The following PHKB variants were observed in gnomAD, a reference collection of about 807,000 sequenced individuals.
PHKB encodes phosphorylase b kinase regulatory subunit beta.
A neutral mutation model predicts 152.1 loss-of-function variants in PHKB; 122 were observed. The ratio of observed to expected loss-of-function variants is 0.80; its 90% CI spans 0.69 to 0.93. The LOEUF is 0.93. Among genes scored for constraint, PHKB ranks in the 40% least tolerant of loss-of-function variants. PHKB has a pLI of 0.00. For missense variants in PHKB, 1,304 were observed against 1,328.4 expected, an observed-to-expected ratio of 0.98 and a Z score of 0.29; for synonymous variants, 436 against 464.9, an observed-to-expected ratio of 0.94 and a Z score of 0.80.
intron 7 of PHKB, 141 bp from the exon 8 acceptor site, chr16:47,580,154 G>A (rs1340031025): frequency 1.6e-6 from 1 of 639,214 alleles, no homozygotes; most frequent in African/African-American, 1.8e-5. Context: ...GTCAGAATGA[G>A]GTCTCTTAGA....
rs953985815 is a variant in PHKB at position 47,665,769 on chromosome 16, C to T, written c.2427+794C>T. The T allele has an allele frequency of 1.7e-5, 12 of 692,282 alleles. No individual in the cohort carries two copies. The African/African-American group carries it at 1.8e-4, about 10-fold the overall frequency. 42.9% of individuals were successfully genotyped at this position (692,282 alleles called of 1,614,324 possible). A position where few individuals can be genotyped will look rare whatever the true frequency, so the allele number is the denominator to read the frequency against. ...GATCCCTCCCTAATTCTGAATGGTC[C>T]TGCAGTCTGGGAAATTTCAGCTGTT... On this transcript the variant is annotated intron_variant, in intron 25 of 30. Coordinates refer to ENST00000323584, the MANE Select transcript of PHKB (RefSeq NM_000293.3).
intron 18 of PHKB, among the ~76,000 whole-genome samples, chr16:47,649,708 C>T (rs1258613940): frequency 6.8e-6 from 1 of 147,222 alleles, no homozygotes; most frequent in Non-Finnish European, 1.5e-5. Context: ...TGCCACTTGC[C>T]AGCTGTGTGT....
intron 13 of PHKB, among the ~76,000 whole-genome samples, chr16:47,599,916 TTC>T (rs1972191662): frequency 2.6e-5 from 4 of 152,226 alleles, no homozygotes; most frequent in Admixed American, 2.6e-4. Context: ...ACCATCAGAC[TTC>T]TATGGATTTT....
At position 47,665,158 on chromosome 16, in the gene PHKB, G is replaced by A. The variant is rs1175533583; in HGVS notation, c.2427+183G>A. On this transcript the variant is annotated intron_variant, in intron 25 of 30. Coordinates refer to ENST00000323584, the MANE Select transcript of PHKB (RefSeq NM_000293.3). ...TAATTTTCTTTTAGTCATCTATGTT[G>A]AAATTAAGGAATATAAATGCTTTTT... 8 of 591,028 alleles carry A rather than the reference G, an allele frequency of 1.4e-5. No homozygotes were observed. In the East Asian group the frequency reaches 2.4e-4, roughly 17 times the overall value. The allele number at this position is 591,028 out of a possible 1,614,324, so 36.6% of individuals were successfully genotyped here. A position where few individuals can be genotyped will look rare whatever the true frequency, so the allele number is the denominator to read the frequency against.
intron 5 of PHKB, among the ~76,000 whole-genome samples, chr16:47,513,061 A>G (rs984873189): frequency 6.6e-6 from 1 of 152,210 alleles, no homozygotes; most frequent in Admixed American, 6.5e-5. Context: ...TCCTTTGATA[A>G]ATATGTTTGC....
chr16:47,465,672 G>A (rs1189399777), intron 1 of PHKB, among the ~76,000 whole-genome samples: 21 of 152,124 alleles, frequency 1.4e-4, no homozygotes, highest in Admixed American at 1.4e-3. Context: ...TACCATACCT[G>A]CTGGTGTTAG....
intron 14 of PHKB, among the ~76,000 whole-genome samples, chr16:47,615,952 A>G (rs558781852): frequency 8.8e-4 from 134 of 152,358 alleles, no homozygotes; most frequent in African/African-American, 3.1e-3. Flanking sequence ...AAAGCATGCA[A>G]TGAAATGGTT....
At chr16:47,594,293 T>TA (rs2151700554) in intron 12 of PHKB, 79 bp downstream of exon 12, 2 of 751,108 alleles carry the variant, frequency 2.7e-6, no homozygotes, top group South Asian at 1.5e-5. Flanking sequence ...GAGTCCTTTG[T>TA]AAAAAACAAT....
At chr16:47,617,259 AAT>A (rs1307364628) in intron 14 of PHKB, among the ~76,000 whole-genome samples, 6 of 148,022 alleles carry the variant, frequency 4.1e-5, no homozygotes, top group African/African-American at 1.5e-4. Context: ...ATTTATATAT[AAT>A]ATAAATTTTT....
At chr16:47,478,837 G>T (rs1391286076) in intron 1 of PHKB, among the ~76,000 whole-genome samples, 3 of 152,104 alleles carry the variant, frequency 2.0e-5, no homozygotes, top group Non-Finnish European at 2.9e-5. Flanking sequence ...CATATTGACA[G>T]CACCCACTAA....
chr16:47,519,509 TG>T (rs1597050815), intron 6 of PHKB, among the ~76,000 whole-genome samples: 1 of 152,184 alleles, frequency 6.6e-6, no homozygotes, highest in East Asian at 1.9e-4. Flanking sequence ...GTCATATGGC[TG>T]TTGGCAGGAA....
At chr16:47,477,445 T>A (rs1482701676) in intron 1 of PHKB, among the ~76,000 whole-genome samples, 1 of 152,178 alleles carries the variant, frequency 6.6e-6, no homozygotes, top group Non-Finnish European at 1.5e-5. Flanking sequence ...CAGCACTATG[T>A]GTTGTCTAAT....
chr16:47,602,532 G>A (rs1972247278), intron 13 of PHKB, among the ~76,000 whole-genome samples: 3 of 143,628 alleles, frequency 2.1e-5, no homozygotes, highest in Admixed American at 1.4e-4. Context: ...TCCCTCCCTA[G>A]CTTCTCTTCC....
rs185358641 is a variant in PHKB at position 47,594,868 on chromosome 16, A to G, written c.1204+654A>G. Among the ~76,000 whole-genome samples the G allele has an allele frequency of 1.8e-4, 27 of 152,332 alleles. No homozygotes were observed. The East Asian group carries it at 4.8e-3, about 27-fold the overall frequency. ...ATGTTCTAGATGTCTTTGGGGCTTTAAAGTATTGACAATCACAGCAGTGAG... is the reference window on the plus strand; with the variant it reads ...ATGTTCTAGATGTCTTTGGGGCTTTGAAGTATTGACAATCACAGCAGTGAG... On this transcript the variant is annotated intron_variant, in intron 12 of 30. Transcript: ENST00000323584.
intron 26 of PHKB, among the ~76,000 whole-genome samples, chr16:47,687,981 T>C (rs1469779038): frequency 1.3e-5 from 2 of 152,222 alleles, no homozygotes; most frequent in Non-Finnish European, 2.9e-5. Context: ...CAAACCAGCA[T>C]TGGCAGAAAG....
intron 26 of PHKB, among the ~76,000 whole-genome samples, chr16:47,688,233 C>T (rs1270830269): frequency 6.6e-6 from 1 of 152,170 alleles, no homozygotes; most frequent in African/African-American, 2.4e-5. Flanking sequence ...AACTAATTCC[C>T]TGGCTTTTCC....
At chr16:47,566,408 G>C (rs1284811326) in intron 7 of PHKB, 4 of 1,601,922 alleles carry the variant, frequency 2.5e-6, no homozygotes, top group Non-Finnish European at 3.4e-6. Context: ...AAATTCTCCT[G>C]TTACCTAGAG....
chr16:47,538,278 A>C (rs1489175954), intron 6 of PHKB, among the ~76,000 whole-genome samples: 1 of 152,232 alleles, frequency 6.6e-6, no homozygotes, highest in East Asian at 1.9e-4. Flanking sequence ...GAAGACCATG[A>C]AATAGCTAAC....
intron 6 of PHKB, among the ~76,000 whole-genome samples, chr16:47,543,976 C>A (rs1344586243): frequency 6.6e-6 from 1 of 152,020 alleles, no homozygotes; most frequent in Non-Finnish European, 1.5e-5. Context: ...ATTCTTCTCT[C>A]TTTTCTTCTT....
Sources: gnomAD v4.1 joint callset for allele counts (sites outside exome capture counted in the v4.1 genomes callset) on GRCh38, gnomAD v4.1.1 for gene constraint, MANE v1.5 for transcripts, NCBI Gene and HGNC (gene_info 2026-07-23, HGNC 2026-07-21) for gene names.